Variants in TSPEAR observed in about 807,000 individuals in gnomAD.
TSPEAR encodes thrombospondin type laminin G domain and EAR repeats, also known as thrombospondin-type laminin G domain and EAR repeat-containing protein.
A neutral mutation model predicts 71.6 loss-of-function variants in TSPEAR; 69 were observed. The ratio of observed to expected loss-of-function variants is 0.96; its 90% CI spans 0.79 to 1.18. The LOEUF (loss-of-function observed/expected upper bound fraction) is 1.18, where lower values mean the gene tolerates loss of function less well. Ranked by LOEUF, TSPEAR falls within the 50% of genes most tolerant of loss-of-function variation. The pLI is 0.00. For synonymous variants in TSPEAR, 402 were observed against 387.2 expected (o/e 1.04, Z -0.45); for missense variants, 971 against 894.9 (o/e 1.09, Z -1.09).
In TSPEAR at chr21:44,578,185, C is replaced by T. The variant is rs141645420; in HGVS notation, c.83-10180G>A. Among the ~76,000 whole-genome samples the T allele has an allele frequency of 8.2e-3, 1,253 of 152,260 alleles. 14 individuals carry two copies. The highest frequency in any genetic ancestry group is 0.028 in the African/African-American group (1,153 of 41,530). Reference sequence around the variant, plus strand: ...TTAGCACCATGAAAATGAACTAATACATCAGGAATGAATAAAAGGTTGCCA... The same window carrying T: ...TTAGCACCATGAAAATGAACTAATATATCAGGAATGAATAAAAGGTTGCCA... On this transcript the variant is annotated intron_variant, in intron 1 of 11. Transcript: ENST00000323084.
chr21:44,500,663 T>C (rs912598136), intron 11 of TSPEAR, among the ~76,000 whole-genome samples: 1 of 152,256 alleles, frequency 6.6e-6, no homozygotes, highest in African/African-American at 2.4e-5. Context: ...ACTGCCCATC[T>C]TTAACACACT....
In TSPEAR at chr21:44,642,560, G is replaced by A. The variant is rs782157876; in HGVS notation, c.82+68873C>T. On this transcript the variant is annotated intron_variant, in intron 1 of 11. Coordinates refer to ENST00000323084, the MANE Select transcript of TSPEAR (RefSeq NM_144991.3). The surrounding 1 kb of genome is among the most constrained non-coding windows in gnomAD (Gnocchi z 4.1). ...GGAAGTTCCTCAAAAAATTAAAAATGGGGCCGGGCGCAGTGGCTCATGCCT... is the reference window on the plus strand; with the variant it reads ...GGAAGTTCCTCAAAAAATTAAAAATAGGGCCGGGCGCAGTGGCTCATGCCT... Among the ~76,000 whole-genome samples the A allele has an allele frequency of 2.6e-5, 4 of 152,174 alleles. No individual in the cohort carries two copies. Among genetic ancestry groups the A allele is most frequent in the Non-Finnish European group, 5.9e-5 (4 of 68,034 alleles).
intron 4 of TSPEAR, 30 bp downstream of exon 4, chr21:44,531,013 G>A: frequency 1.3e-6 from 2 of 1,576,204 alleles, no homozygotes; most frequent in South Asian, 1.1e-5. Flanking sequence ...CGCAGCACGG[G>A]TGTTGGGAAG....
intron 1 of TSPEAR, chr21:44,697,363 A>G (rs1226451284): frequency 2.5e-6 from 4 of 1,613,016 alleles, no homozygotes; most frequent in African/African-American, 2.7e-5. Flanking sequence ...TCTGCACCCC[A>G]GTGAGCCGTG....
At chr21:44,602,523 C>T (rs1555929118) in intron 1 of TSPEAR, among the ~76,000 whole-genome samples, 1 of 152,150 alleles carries the variant, frequency 6.6e-6, no homozygotes, top group South Asian at 2.1e-4. Context: ...GCTGGCCGGG[C>T]TGGCCCTTGG....
chr21:44,632,734 T>C (rs781942558), intron 1 of TSPEAR, among the ~76,000 whole-genome samples: 2 of 152,036 alleles, frequency 1.3e-5, no homozygotes, highest in South Asian at 2.1e-4. Flanking sequence ...TCCCAGCTAG[T>C]TGGGAGGCTG....
intron 1 of TSPEAR, among the ~76,000 whole-genome samples, chr21:44,693,245 C>A (rs919090633): frequency 2.0e-5 from 3 of 152,070 alleles, no homozygotes; most frequent in African/African-American, 7.2e-5. Context: ...GTAGCTGGAA[C>A]CATCAAAATC....
intron 1 of TSPEAR, among the ~76,000 whole-genome samples, chr21:44,639,273 G>A (rs1424784835): frequency 2.0e-5 from 3 of 152,170 alleles, no homozygotes; most frequent in South Asian, 2.1e-4. Context: ...ATGCCACGTC[G>A]GGGAAGTGGC....
intron 8 of TSPEAR, among the ~76,000 whole-genome samples, chr21:44,523,067 T>C (rs1447112999): frequency 2.0e-5 from 3 of 150,818 alleles, no homozygotes; most frequent in South Asian, 2.1e-4. Flanking sequence ...GCCAGGTAGT[T>C]AGTCAGTTAG....
intron 1 of TSPEAR, chr21:44,574,642 C>T (rs782062312): frequency 1.5e-6 from 2 of 1,293,930 alleles, no homozygotes; most frequent in Non-Finnish European, 2.1e-6. Context: ...GGGGCTTCCT[C>T]TCTGTGCTGC....
chr21:44,569,838 G>A (rs1291238805), intron 1 of TSPEAR, among the ~76,000 whole-genome samples: 1 of 152,116 alleles, frequency 6.6e-6, no homozygotes, highest in Non-Finnish European at 1.5e-5. Context: ...GCTGACTCTG[G>A]GAGGATTCTG....
At chr21:44,654,166 T>A in intron 1 of TSPEAR, 1 of 850,670 alleles carries the variant, frequency 1.2e-6, no homozygotes, top group Non-Finnish European at 1.9e-6. Context: ...GGCGGTCTAG[T>A]CAGGTGACGA....
chr21:44,708,993 C>A (rs531196243), intron 1 of TSPEAR, among the ~76,000 whole-genome samples: 1 of 152,314 alleles, frequency 6.6e-6, no homozygotes, highest in East Asian at 1.9e-4. Context: ...CCCGCGTGAC[C>A]GGTCCCCACC....
At chr21:44,576,790 G>A (rs146243538) in intron 1 of TSPEAR, among the ~76,000 whole-genome samples, 9 of 152,130 alleles carry the variant, frequency 5.9e-5, no homozygotes, top group Admixed American at 2.6e-4. Context: ...AAACCAAGCC[G>A]ACTTAAGGGA....
At chr21:44,583,181 G>T (rs970892938) in intron 1 of TSPEAR, among the ~76,000 whole-genome samples, 2 of 15,370 alleles carry the variant, frequency 1.3e-4, no homozygotes, top group Non-Finnish European at 2.9e-4. Flanking sequence ...ACACTCTGGG[G>T]ATCTGAGTGA....
At position 44,527,471 on chromosome 21, in the gene TSPEAR, TG is replaced by T. The variant is rs1290266902; in HGVS notation, c.969del (p.Asn324ThrfsTer88). 9 of 1,614,112 alleles carry T rather than the reference TG, an allele frequency of 5.6e-6. No individual in the cohort carries two copies. The East Asian group carries it at 1.8e-4, about 32-fold the overall frequency. ...DYVEEHQNLS[T>X]NSETLGIEVF... is the part of the protein sequence containing the mutation. ...ACCTCAATGCCCAGGGTCTCTGAGTTGGTGGACAAGTTCTGATGCTCCTCCA... is the reference window on the plus strand; with the variant it reads ...ACCTCAATGCCCAGGGTCTCTGAGTTGTGGACAAGTTCTGATGCTCCTCCA... On this transcript the variant is annotated frameshift_variant, in exon 7 of 12. Transcript: ENST00000323084. LOFTEE classifies it high-confidence loss of function.
intron 1 of TSPEAR, chr21:44,647,185 C>A (rs1984475622): frequency 6.2e-7 from 1 of 1,613,772 alleles, no homozygotes; most frequent in African/African-American, 1.3e-5. Flanking sequence ...CCTCTGCCAC[C>A]CCGTGTGCAG....
At chr21:44,523,809 CAGTCAGTCAGTT>C (rs2052787708) in intron 8 of TSPEAR, among the ~76,000 whole-genome samples, 1 of 150,800 alleles carries the variant, frequency 6.6e-6, no homozygotes, top group Admixed American at 6.6e-5. Context: ...GTCAGTCAGT[CAGTCAGTCAGTT>C]AGTCAGGTAA....
At chr21:44,571,158 T>G (rs1360615377) in intron 1 of TSPEAR, among the ~76,000 whole-genome samples, 4 of 152,188 alleles carry the variant, frequency 2.6e-5, no homozygotes, top group African/African-American at 9.6e-5. Flanking sequence ...AAGAGAAAAC[T>G]ACAGACCAAC....
Sources: gnomAD v4.1 joint callset for allele counts (sites outside exome capture counted in the v4.1 genomes callset) on GRCh38, gnomAD v4.1.1 for gene constraint, Gnocchi (gnomAD v3.1) non-coding constraint, MANE v1.5 for transcripts, NCBI Gene and HGNC (gene_info 2026-07-23, HGNC 2026-07-21) for gene names.